The following AKAP6 variants were observed in gnomAD, a reference collection of about 807,000 sequenced individuals.
The protein encoded by AKAP6 is A-kinase anchoring protein 6.
AKAP6 carries 58 observed loss-of-function variants against 188.5 expected under a neutral mutation model. The ratio of observed to expected loss-of-function variants is 0.31; its 90% confidence interval spans 0.25 to 0.38. The LOEUF is 0.38. Ranked by LOEUF, AKAP6 falls within the 10% of genes least tolerant of loss-of-function variation. The pLI is 1.00. For synonymous variants in AKAP6, 989 were observed against 998.6 expected, an observed-to-expected ratio of 0.99 and a Z score of 0.18; for missense variants, 2,710 against 2,740.0, an observed-to-expected ratio of 0.99 and a Z score of 0.24.
At chr14:32,562,649 T>C (rs1240153400) in intron 4 of AKAP6, among the ~76,000 whole-genome samples, 7 of 152,062 alleles carry the variant, frequency 4.6e-5, no homozygotes, top group Non-Finnish European at 1.0e-4. Flanking sequence ...TCCAAGCTAC[T>C]CAGGAGGCAG....
At chr14:32,372,523 G>T (rs764276751) in intron 1 of AKAP6, among the ~76,000 whole-genome samples, 2 of 151,374 alleles carry the variant, frequency 1.3e-5, no homozygotes, top group Non-Finnish European at 2.9e-5. Context: ...TTTTTTAACA[G>T]AGTAAAGCTT....
At chr14:32,557,647 T>C (rs1478993269) in intron 4 of AKAP6, among the ~76,000 whole-genome samples, 1 of 152,222 alleles carries the variant, frequency 6.6e-6, no homozygotes, top group Non-Finnish European at 1.5e-5. Flanking sequence ...GATAATGATC[T>C]CTTATGAGTA....
intron 11 of AKAP6, among the ~76,000 whole-genome samples, chr14:32,767,320 A>T (rs961977530): frequency 2.0e-5 from 3 of 152,158 alleles, no homozygotes; most frequent in African/African-American, 7.2e-5. Flanking sequence ...AACCCAAACG[A>T]AAATAACTCC....
intron 11 of AKAP6, among the ~76,000 whole-genome samples, chr14:32,748,856 C>T (rs542958364): frequency 6.6e-6 from 1 of 152,290 alleles, no homozygotes; most frequent in South Asian, 2.1e-4. Context: ...CCATTTTCTA[C>T]TCCAACTTCT....
chr14:32,718,847 A>C (rs1225004789), intron 9 of AKAP6, among the ~76,000 whole-genome samples: 1 of 152,158 alleles, frequency 6.6e-6, no homozygotes, highest in Non-Finnish European at 1.5e-5. Context: ...TTTGGGAGAA[A>C]TTCAAATGAA....
chr14:32,603,361 G>T (rs7154943), intron 7 of AKAP6, among the ~76,000 whole-genome samples: 60,970 of 151,996 alleles, frequency 0.4, 13,366 homozygotes, highest in East Asian at 0.85. Context: ...ATGTTGAAAA[G>T]GAGTACATTC....
chr14:32,763,036 A>T (rs2032591263), intron 11 of AKAP6, among the ~76,000 whole-genome samples: 1 of 152,084 alleles, frequency 6.6e-6, no homozygotes, highest in Admixed American at 6.5e-5. Context: ...TTAGTGTTTG[A>T]ATCTAGACTT....
At chr14:32,518,580 G>T (rs1881648129) in intron 2 of AKAP6, among the ~76,000 whole-genome samples, 1 of 152,136 alleles carries the variant, frequency 6.6e-6, no homozygotes, top group South Asian at 2.1e-4. Flanking sequence ...CGATCAAGTG[G>T]AAGAAAGGGT....
At chr14:32,576,352 G>C (rs761980601) in intron 4 of AKAP6, among the ~76,000 whole-genome samples, 11 of 151,946 alleles carry the variant, frequency 7.2e-5, no homozygotes, top group Non-Finnish European at 1.3e-4. Flanking sequence ...TTTGCAGTTG[G>C]GCTTTCATAT....
At chr14:32,474,427 G>T (rs543003376) in intron 2 of AKAP6, 1 of 152,250 alleles carries the variant, frequency 6.6e-6, no homozygotes, top group South Asian at 2.1e-4. Flanking sequence ...TGCTGTTTTT[G>T]TGGGTCAAAG....
intron 7 of AKAP6, among the ~76,000 whole-genome samples, chr14:32,618,314 C>A (rs1281199536): frequency 1.3e-5 from 2 of 152,082 alleles, no homozygotes; most frequent in South Asian, 4.1e-4. Flanking sequence ...ACATTGTACC[C>A]AATATGTAGT....
intron 9 of AKAP6, among the ~76,000 whole-genome samples, chr14:32,704,972 G>A (rs577154783): frequency 2.0e-5 from 3 of 152,306 alleles, no homozygotes; most frequent in Admixed American, 2.0e-4. Context: ...TAACGTTTCA[G>A]TTATTTCAAA....
At chr14:32,415,758 G>A (rs1437560627) in intron 1 of AKAP6, among the ~76,000 whole-genome samples, 1 of 152,072 alleles carries the variant, frequency 6.6e-6, no homozygotes, top group Admixed American at 6.6e-5. Flanking sequence ...ACTACTCTAA[G>A]TACCTCATAT....
At chr14:32,416,070 A>G (rs925833123) in intron 1 of AKAP6, among the ~76,000 whole-genome samples, 3 of 152,280 alleles carry the variant, frequency 2.0e-5, no homozygotes, top group Admixed American at 2.0e-4. Context: ...CCAAAGGGGA[A>G]TTGCTAGCCC....
rs2138419595 is a variant in AKAP6, at chr14:32,343,231, A to ATACCTTCCTTGTCAGGGAAGTAT, written c.-35+13837_-35+13838insGGGAAGTATTACCTTCCTTGTCA. The stretch of plus-strand genomic sequence containing the variant: ...CTTCACGGTACCTTCCTTGTCAAGT[A>ATACCTTCCTTGTCAGGGAAGTAT]TACCTTCCTTGTCAAGACTTAGAAA... On this transcript the variant is annotated intron_variant, in intron 1 of 13. Coordinates refer to ENST00000280979, the MANE Select transcript of AKAP6 (RefSeq NM_004274.5). 1.3e-5 allele frequency among the ~76,000 whole-genome samples: 2 copies of ATACCTTCCTTGTCAGGGAAGTAT among 151,086 alleles called. 1 individual carries two copies. Among genetic ancestry groups the ATACCTTCCTTGTCAGGGAAGTAT allele is most frequent in the South Asian group, 4.2e-4 (2 of 4,772 alleles).
At chr14:32,395,417 G>A (rs1342567901) in intron 1 of AKAP6, among the ~76,000 whole-genome samples, 1 of 152,078 alleles carries the variant, frequency 6.6e-6, no homozygotes, top group Non-Finnish European at 1.5e-5. Flanking sequence ...TTTTCACATT[G>A]CCGTCTCACT....
chr14:32,499,700 TATC>T (rs752735077), intron 2 of AKAP6, among the ~76,000 whole-genome samples: 6 of 151,882 alleles, frequency 4.0e-5, no homozygotes, highest in African/African-American at 9.6e-5. Context: ...TTATTAATCT[TATC>T]ATTGGTATGT....
intron 2 of AKAP6, among the ~76,000 whole-genome samples, chr14:32,475,051 C>A (rs940078123): frequency 1.3e-5 from 2 of 152,138 alleles, no homozygotes; most frequent in African/African-American, 4.8e-5. Flanking sequence ...GATGAACATT[C>A]CTTATACAAA....
chr14:32,434,202 A>C (rs1441089053), intron 2 of AKAP6, among the ~76,000 whole-genome samples: 1 of 152,224 alleles, frequency 6.6e-6, no homozygotes, highest in Admixed American at 6.5e-5. Context: ...TGTGACTGTT[A>C]TCTTCAGTTG....
Sources: gnomAD v4.1 joint callset for allele counts (sites outside exome capture counted in the v4.1 genomes callset) on GRCh38, gnomAD v4.1.1 for gene constraint, MANE v1.5 for transcripts, NCBI Gene and HGNC (gene_info 2026-07-23, HGNC 2026-07-21) for gene names.